The following RAB22A variants were observed in gnomAD, a reference collection of about 807,000 sequenced individuals.
The protein encoded by RAB22A is RAB22A, member RAS oncogene family.
A neutral mutation model predicts 30.2 loss-of-function variants in RAB22A; 13 were observed. That is an observed-to-expected ratio of 0.43 (90% CI 0.28 to 0.68). The LOEUF (loss-of-function observed/expected upper bound fraction) is 0.68. Among genes scored for constraint, RAB22A ranks in the 30% least tolerant of loss-of-function variants. RAB22A has a pLI of 0.18. For synonymous variants in RAB22A, 89 were observed against 87.2 expected (o/e 1.02, Z -0.11); for missense variants, 177 against 246.8 (o/e 0.72, Z 1.89).
intron 2 of RAB22A, among the ~76,000 whole-genome samples, chr20:58,319,570 A>G (rs1181791733): frequency 6.6e-6 from 1 of 152,228 alleles, no homozygotes; most frequent in Non-Finnish European, 1.5e-5. Context: ...TTAGAATCAC[A>G]GTGCCCAGTT....
At chr20:58,355,962 G>C (rs560906612) in intron 6 of RAB22A, among the ~76,000 whole-genome samples, 1 of 152,348 alleles carries the variant, frequency 6.6e-6, no homozygotes, top group African/African-American at 2.4e-5. Flanking sequence ...GTGGTGTCAT[G>C]AGTATGTTAA....
chr20:58,314,559 G>GGCTGT (rs1986297969), intron 2 of RAB22A, among the ~76,000 whole-genome samples: 1 of 152,186 alleles, frequency 6.6e-6, no homozygotes, highest in Admixed American at 6.5e-5. Flanking sequence ...AATCAAAGTT[G>GGCTGT]GCTGTGCACG....
chr20:58,338,628 G>A (rs1382736657), intron 2 of RAB22A, among the ~76,000 whole-genome samples: 7 of 152,266 alleles, frequency 4.6e-5, no homozygotes, highest in South Asian at 4.1e-4. Flanking sequence ...TGAGACTTCC[G>A]GCTTCTTGAA....
chr20:58,346,979 C>T (rs1305453374), intron 3 of RAB22A, among the ~76,000 whole-genome samples: 2 of 152,182 alleles, frequency 1.3e-5, no homozygotes, highest in Non-Finnish European at 2.9e-5. Context: ...TATTGATGCC[C>T]ATAGGTTTAT....
Position 58,319,896 on chromosome 20 carries a change from T to C in RAB22A, c.116+8774T>C, listed in dbSNP as rs576901670. On this transcript the variant is annotated intron_variant, in intron 2 of 6. Transcript: ENST00000244040. ...TTTTGAGCTGTTCATATTCTTTTTC[T>C]TTCTGTTAAAATGGTGCATTACAAC... Among the ~76,000 whole-genome samples the C allele has an allele frequency of 4.1e-4, 63 of 152,350 alleles. 1 individual carries two copies. Among genetic ancestry groups the C allele is most frequent in the Admixed American group, 8.5e-4 (13 of 15,302 alleles).
intron 5 of RAB22A, 146 bp from the exon 6 acceptor site, chr20:58,354,010 A>C: frequency 1.8e-6 from 1 of 551,396 alleles, no homozygotes; most frequent in Admixed American, 3.2e-5. Context: ...GATGTGGTGT[A>C]ATCGAGAAGA....
intron 2 of RAB22A, among the ~76,000 whole-genome samples, chr20:58,323,968 T>C (rs1396282942): frequency 2.0e-5 from 3 of 152,100 alleles, no homozygotes; most frequent in Non-Finnish European, 4.4e-5. Flanking sequence ...ATTAAATACA[T>C]ATCACTGGCT....
chr20:58,356,268 G>A (rs1987128366), intron 6 of RAB22A, among the ~76,000 whole-genome samples: 1 of 148,750 alleles, frequency 6.7e-6, no homozygotes, highest in Non-Finnish European at 1.5e-5. Flanking sequence ...CCGAGATCAC[G>A]CCATTGCACT....
intron 2 of RAB22A, among the ~76,000 whole-genome samples, chr20:58,322,829 C>CT (rs11481932): frequency 0.53 from 80,982 of 151,964 alleles, 22,988 homozygotes; most frequent in African/African-American, 0.73. Context: ...GACCATTAGT[C>CT]TTTTTTTCTA....
In RAB22A at chr20:58,359,797, A is replaced by G; in HGVS notation, c.*94A>G. Reference sequence around the variant, plus strand: ...CCCTGCCACCAGTTTTCACCTAGCCAGTCTTGAGTCTTCTCCGTGCAAAAA... The same window carrying G: ...CCCTGCCACCAGTTTTCACCTAGCCGGTCTTGAGTCTTCTCCGTGCAAAAA... On this transcript the variant is annotated 3_prime_UTR_variant, in exon 7 of 7. Coordinates refer to ENST00000244040, the MANE Select transcript of RAB22A (RefSeq NM_020673.3). 9.4e-7 allele frequency: 1 copy of G among 1,062,244 alleles called. No homozygotes were observed. The highest frequency in any genetic ancestry group is 1.4e-6 in the Non-Finnish European group (1 of 722,986). The allele number at this position is 1,062,244 out of a possible 1,614,324, so 65.8% of individuals were successfully genotyped here.
chr20:58,346,806 A>G (rs919232310), intron 3 of RAB22A, among the ~76,000 whole-genome samples: 2 of 152,220 alleles, frequency 1.3e-5, no homozygotes, highest in East Asian at 3.9e-4. Flanking sequence ...ATGAATCAGC[A>G]AATAAACTCT....
At chr20:58,322,653 A>G (rs1387656139) in intron 2 of RAB22A, among the ~76,000 whole-genome samples, 2 of 152,202 alleles carry the variant, frequency 1.3e-5, no homozygotes, top group Admixed American at 1.3e-4. Context: ...TCTTTGATAT[A>G]TCAGTCTGTG....
At chr20:58,354,857 G>A (rs1285396328) in intron 6 of RAB22A, among the ~76,000 whole-genome samples, 4 of 152,212 alleles carry the variant, frequency 2.6e-5, no homozygotes, top group Admixed American at 6.5e-5. Flanking sequence ...GAAGAAGATA[G>A]ACGCAGCCCC....
At chr20:58,325,765 G>T (rs1022102742) in intron 2 of RAB22A, among the ~76,000 whole-genome samples, 12 of 152,174 alleles carry the variant, frequency 7.9e-5, no homozygotes, top group African/African-American at 2.4e-4. Flanking sequence ...TCAGCGTATA[G>T]TCCATCCTGG....
chr20:58,310,238 T>C (rs1986196249), intron 1 of RAB22A, among the ~76,000 whole-genome samples: 1 of 151,930 alleles, frequency 6.6e-6, no homozygotes, highest in Non-Finnish European at 1.5e-5. Context: ...CTGGAGCCCG[T>C]GGACTCTTCC....
At chr20:58,354,013 C>T (rs564415274) in intron 5 of RAB22A, 143 bp from the exon 6 acceptor site, 8 of 556,506 alleles carry the variant, frequency 1.4e-5, no homozygotes, top group African/African-American at 9.4e-5. Flanking sequence ...GTGGTGTAAT[C>T]GAGAAGACCA....
rs776216093 is a variant in RAB22A at position 58,355,822 on chromosome 20, C to T, written c.487+1557C>T. Reference sequence around the variant, plus strand: ...CTTAGGTGACAGAGCAAAACCCTGTCTCTTAAAAAAACAAAAATCATGTTT... The same window carrying T: ...CTTAGGTGACAGAGCAAAACCCTGTTTCTTAAAAAAACAAAAATCATGTTT... On this transcript the variant is annotated intron_variant, in intron 6 of 6. Coordinates refer to ENST00000244040, the MANE Select transcript of RAB22A (RefSeq NM_020673.3). Among the ~76,000 whole-genome samples, 171 of 152,168 alleles carry T rather than the reference C, an allele frequency of 1.1e-3. 2 individuals are homozygous for T. The highest frequency in any genetic ancestry group is 1.9e-3 in the South Asian group (9 of 4,812).
intron 2 of RAB22A, among the ~76,000 whole-genome samples, chr20:58,312,059 G>A (rs558370303): frequency 4.0e-5 from 6 of 151,774 alleles, no homozygotes; most frequent in East Asian, 3.9e-4. Context: ...GGGTTCAAGC[G>A]ATTCTCCTGC....
chr20:58,327,738 T>C (rs1986592714), intron 2 of RAB22A, among the ~76,000 whole-genome samples: 1 of 152,176 alleles, frequency 6.6e-6, no homozygotes. Flanking sequence ...TTTCAAAAGT[T>C]TAACTTATTT....
Sources: gnomAD v4.1 joint callset for allele counts (sites outside exome capture counted in the v4.1 genomes callset) on GRCh38, gnomAD v4.1.1 for gene constraint, MANE v1.5 for transcripts, NCBI Gene and HGNC (gene_info 2026-07-23, HGNC 2026-07-21) for gene names.